Variants in DNPEP observed in about 807,000 individuals in gnomAD.
DNPEP encodes the protein aspartyl aminopeptidase.
A neutral mutation model predicts 59.1 loss-of-function variants in DNPEP; 46 were observed. The ratio of observed to expected loss-of-function variants is 0.78; its 90% confidence interval spans 0.61 to 0.99. The LOEUF (loss-of-function observed/expected upper bound fraction) is 0.99, where lower values mean the gene tolerates loss of function less well. Among genes scored for constraint, DNPEP ranks in the 50% least tolerant of loss-of-function variants. The probability of loss-of-function intolerance (pLI) is 0.00; values close to 1 mark genes in which losing one functional copy is unlikely to be tolerated. For missense variants in DNPEP, 617 were observed against 649.9 expected, an observed-to-expected ratio of 0.95 and a Z score of 0.55; for synonymous variants, 229 against 242.2, an observed-to-expected ratio of 0.95 and a Z score of 0.50.
At chr2:219,391,054 T>C (rs965338740), upstream of DNPEP, among the ~76,000 whole-genome samples, 13 of 152,210 alleles carry the variant, frequency 8.5e-5, no homozygotes, top group Non-Finnish European at 4.4e-5. Flanking sequence ...TTACCTACTA[T>C]TACCATAAAT....
chr2:219,379,318 G>A (rs1953495235), intron 13 of DNPEP, among the ~76,000 whole-genome samples: 1 of 152,090 alleles, frequency 6.6e-6, no homozygotes, highest in South Asian at 2.1e-4. Context: ...TGTTATCATG[G>A]TAGATAGCAG....
chr2:219,391,227 A>G (rs1954011269), upstream of DNPEP, among the ~76,000 whole-genome samples: 6 of 152,246 alleles, frequency 3.9e-5, no homozygotes, highest in South Asian at 8.3e-4. Flanking sequence ...TCCCTATGAA[A>G]TGTTTCTTTC....
intron 1 of DNPEP, 174 bp from the exon 2 acceptor site, chr2:219,387,337 G>T: frequency 6.9e-7 from 1 of 1,442,566 alleles, no homozygotes; most frequent in East Asian, 2.5e-5. Flanking sequence ...TCCGTTGAAA[G>T]CTTCAGCCCG....
chr2:219,399,883 G>A (rs1197306876), intron 1 of DNPEP: 14 of 1,550,578 alleles, frequency 9.0e-6, no homozygotes, highest in Non-Finnish European at 1.2e-5. Flanking sequence ...TAGCCATTGA[G>A]CCAGCTGTTG....
At chr2:219,377,360 G>A (rs908012420) in intron 13 of DNPEP, among the ~76,000 whole-genome samples, 2 of 151,456 alleles carry the variant, frequency 1.3e-5, no homozygotes, top group African/African-American at 4.9e-5. Flanking sequence ...GAAATACGGG[G>A]CTTACAGACA....
chr2:219,399,973 C>T (rs781683770), exon 1 of DNPEP: 15 of 1,483,552 alleles, frequency 1.0e-5, no homozygotes, highest in Admixed American at 1.0e-4. Flanking sequence ...AGGCCTGAAC[C>T]GTGTGCCTTT....
rs1953672792 is a variant in DNPEP, at chr2:219,383,205, C to CT, written c.861dup (p.Asp288ArgfsTer22). The CT allele has an allele frequency of 6.2e-7, 1 of 1,614,156 alleles. No homozygotes were observed. On this transcript the variant is annotated frameshift_variant, in exon 10 of 15. Coordinates refer to ENST00000273075, the MANE Select transcript of DNPEP (RefSeq NM_012100.4). LOFTEE classifies it high-confidence loss of function. ...AGGGAGCCAGGGCCTGCACAGGAAT[C>CT]TATCAAGGCCTGGTTCAGGGAAGGA...
chr2:219,384,917 C>T (rs1267552877), intron 8 of DNPEP: 1 of 167,194 alleles, frequency 6.0e-6, no homozygotes, highest in African/African-American at 2.4e-5. Flanking sequence ...GGGTGGAGGC[C>T]AATAGCTCTT....
Position 219,387,125 on chromosome 2 carries a change from C to A in DNPEP, c.75G>T (p.Gln25His). ...ACTTGAGGAGTTCCTTAGCCGCAGT[C>A]TGCACCGCCTCTTTGCGGGCCTTAC... ...MNGKARKEAV[Q>H]TAAKELLKFV... Residue 25 changes from glutamine (Q) to histidine (H), a missense_variant, in exon 2 of 15, where the codon CAG becomes CAT. Transcript: ENST00000273075. 6.4e-7 allele frequency: 1 copy of A among 1,572,132 alleles called. No individual in the cohort carries two copies. The highest frequency in any genetic ancestry group is 8.6e-7 in the Non-Finnish European group (1 of 1,157,164).
intron 13 of DNPEP, among the ~76,000 whole-genome samples, chr2:219,376,237 C>T (rs914096527): frequency 2.6e-5 from 4 of 152,140 alleles, no homozygotes; most frequent in Admixed American, 6.5e-5. Context: ...CCTGTAATCC[C>T]AGCACTTTGG....
At chr2:219,398,457 C>G (rs1460745442) in intron 1 of DNPEP, among the ~76,000 whole-genome samples, 3 of 152,226 alleles carry the variant, frequency 2.0e-5, no homozygotes, top group Non-Finnish European at 4.4e-5. Context: ...CGAGGCCAGT[C>G]TGGCCAACAT....
chr2:219,384,541 C>G (rs946381020), intron 8 of DNPEP, 98 bp from the exon 9 acceptor site: 6 of 937,348 alleles, frequency 6.4e-6, no homozygotes, highest in Admixed American at 4.7e-5. Flanking sequence ...CGCAACCTCT[C>G]CCTGACCCCT....
intron 13 of DNPEP, among the ~76,000 whole-genome samples, chr2:219,378,792 G>A (rs1953471451): frequency 6.6e-6 from 1 of 152,140 alleles, no homozygotes; most frequent in Non-Finnish European, 1.5e-5. Context: ...TGGCGATGCC[G>A]GCGTAAATAA....
At position 219,373,695 on chromosome 2, in the gene DNPEP, T is replaced by C. The variant is rs1327687985; in HGVS notation, c.*597A>G. On this transcript the variant is annotated 3_prime_UTR_variant, in exon 15 of 15. Coordinates refer to ENST00000273075, the MANE Select transcript of DNPEP (RefSeq NM_012100.4). ...TTGACTTTTCCAATTTTTTCAATGA[T>C]AATCTTTTTTCCTGATAATATGTTC... is the stretch of plus-strand genomic sequence containing the variant. The C allele has an allele frequency of 1.3e-5, 2 of 152,312 alleles. No individual in the cohort carries two copies. Among genetic ancestry groups the C allele is most frequent in the Non-Finnish European group, 1.5e-5 (1 of 68,142 alleles). The allele number at this position is 152,312 out of a possible 1,614,324, so 9.4% of individuals were successfully genotyped here.
At chr2:219,386,508 TC>T in intron 4 of DNPEP, 97 bp from the exon 5 acceptor site, 1 of 1,552,774 alleles carries the variant, frequency 6.4e-7, no homozygotes, top group Non-Finnish European at 8.8e-7. Flanking sequence ...AATATTAGTG[TC>T]ACATGAAAGG....
chr2:219,385,636 C>G lies in DNPEP; in HGVS notation c.661G>C (p.Ala221Pro). ...TGATCAGGAGACTCTCTTACCACAG[C>G]ATTGAGAGGCCCTGGCTCAGGAGTC... ...KGTPEPGPLN[A>P]VDERHHSVLM... Residue 221 changes from alanine to proline, a missense_variant, in exon 7 of 15, where the codon GCT (alanine) becomes CCT (proline). Transcript: ENST00000273075. The G allele has an allele frequency of 6.2e-7, 1 of 1,612,944 alleles. No homozygotes were observed.
At position 219,375,611 on chromosome 2, in the gene DNPEP, G is replaced by C. The variant is rs111924509; in HGVS notation, c.1240-589C>G. Reference sequence around the variant, plus strand: ...GAGTCTCCCTGCGATGCCCAGGCTGGAGTGCAGTGGCGCAATCTCAGCTCG... The same window carrying C: ...GAGTCTCCCTGCGATGCCCAGGCTGCAGTGCAGTGGCGCAATCTCAGCTCG... On this transcript the variant is annotated intron_variant, in intron 13 of 14. Transcript: ENST00000273075. 3.8e-3 allele frequency among the ~76,000 whole-genome samples: 577 copies of C among 152,000 alleles called. 2 individuals are homozygous for C. The highest frequency in any genetic ancestry group is 0.012 in the African/African-American group (494 of 41,456).
chr2:219,399,318 G>A (rs1226677992), intron 1 of DNPEP: 14 of 383,950 alleles, frequency 3.6e-5, no homozygotes, highest in South Asian at 5.7e-5. Context: ...AACAGAAACC[G>A]ACCCACCCTG....
At chr2:219,390,390 T>C (rs1953996847), upstream of DNPEP, among the ~76,000 whole-genome samples, 1 of 152,186 alleles carries the variant, frequency 6.6e-6, no homozygotes, top group South Asian at 2.1e-4. Flanking sequence ...TCTTGTACAA[T>C]AATCACCTAG....
Sources: allele counts gnomAD v4.1 joint callset (sites outside exome capture counted in the v4.1 genomes callset), GRCh38; gene constraint gnomAD v4.1.1; transcripts MANE v1.5; gene names NCBI Gene and HGNC (gene_info 2026-07-23, HGNC 2026-07-21).